The following ZFYVE9 variants were observed in gnomAD, a reference collection of about 807,000 sequenced individuals.
The protein encoded by ZFYVE9 is zinc finger FYVE-type containing 9.
Under a neutral mutation model 126.7 loss-of-function variants are expected in ZFYVE9, and 43 were observed. That is an observed-to-expected ratio of 0.34 (90% confidence interval 0.27 to 0.44). ZFYVE9 has a LOEUF of 0.44. Ranked by LOEUF, ZFYVE9 falls within the 20% of genes least tolerant of loss-of-function variation. ZFYVE9 has a pLI of 1.00. For synonymous variants in ZFYVE9, 521 were observed against 597.4 expected, an observed-to-expected ratio of 0.87 and a Z score of 1.87; for missense variants, 1,476 against 1,697.0, an observed-to-expected ratio of 0.87 and a Z score of 2.29.
At chr1:52,269,053 G>A (rs931911102) in intron 7 of ZFYVE9, among the ~76,000 whole-genome samples, 3 of 152,148 alleles carry the variant, frequency 2.0e-5, no homozygotes, top group African/African-American at 7.2e-5. Flanking sequence ...CCCTACCAGA[G>A]TGGTACACTT....
intron 14 of ZFYVE9, among the ~76,000 whole-genome samples, chr1:52,334,112 T>C (rs1646368980): frequency 6.6e-6 from 1 of 151,760 alleles, no homozygotes; most frequent in South Asian, 2.1e-4. Flanking sequence ...AAAAAAAACT[T>C]AGCAGATAAA....
Position 52,295,947 on chromosome 1 carries a change from G to T in ZFYVE9, c.3303G>T (p.Glu1101Asp). 6.2e-7 allele frequency: 1 copy of T among 1,613,758 alleles called. No homozygotes were observed. Among genetic ancestry groups the T allele is most frequent in the Non-Finnish European group, 8.5e-7 (1 of 1,179,844 alleles). The part of the protein sequence containing the change: ...SVRFRKPLFG[E>D]TGHTIMNLLA... Reference sequence around the variant, plus strand: ...GATTTCGGAAGCCATTGTTTGGAGAGACGGGGCATACCATCATGAATCTTC... The same window carrying T: ...GATTTCGGAAGCCATTGTTTGGAGATACGGGGCATACCATCATGAATCTTC... The change falls in exon 12 of 19, where the codon GAG (glutamate) becomes GAT (aspartate). Residue 1101 changes from glutamate (E) to aspartate (D), a missense_variant. Physicochemically the swap from Glu to Asp is conservative, Grantham distance 45. Coordinates refer to ENST00000287727, the MANE Select transcript of ZFYVE9 (RefSeq NM_004799.4).
chr1:52,292,687 G>C (rs1645934371), intron 10 of ZFYVE9, among the ~76,000 whole-genome samples: 1 of 151,920 alleles, frequency 6.6e-6, no homozygotes, highest in African/African-American at 2.4e-5. Context: ...GGTCAGGCTG[G>C]TCTCGAACTC....
At chr1:52,198,217 G>T (rs1644883514) in intron 1 of ZFYVE9, among the ~76,000 whole-genome samples, 1 of 142,774 alleles carries the variant, frequency 7.0e-6, no homozygotes, top group Non-Finnish European at 1.5e-5. Flanking sequence ...TGCCTCCCGG[G>T]TTCAAGCGAT....
chr1:52,233,415 A>G (rs895348024), intron 3 of ZFYVE9, 139 bp downstream of exon 3: 33 of 465,236 alleles, frequency 7.1e-5, no homozygotes, highest in African/African-American at 5.9e-4. Context: ...ATACAGGGGA[A>G]GAAATAACAT....
chr1:52,254,516 C>G (rs2124652638), intron 4 of ZFYVE9, among the ~76,000 whole-genome samples: 1 of 152,110 alleles, frequency 6.6e-6, no homozygotes, highest in Middle Eastern at 3.4e-3. Context: ...ATGGCAAGAC[C>G]TCATCTCTGC....
intron 7 of ZFYVE9, among the ~76,000 whole-genome samples, chr1:52,271,386 G>A (rs1029980002): frequency 1.4e-4 from 21 of 152,188 alleles, no homozygotes; most frequent in Admixed American, 3.9e-4. Flanking sequence ...TAGAGTGCCT[G>A]GCACTTAACA....
chr1:52,283,516 G>A (rs547309132), intron 10 of ZFYVE9, among the ~76,000 whole-genome samples: 1 of 152,282 alleles, frequency 6.6e-6, no homozygotes, highest in South Asian at 2.1e-4. Context: ...CTAGAATACT[G>A]CTCAACAGTA....
Position 52,199,159 on chromosome 1 carries a change from G to A in ZFYVE9, c.-142-17210G>A, listed in dbSNP as rs371897028. Reference sequence around the variant, plus strand: ...CGACTCACTGCAAGCTCCGCCTCCCGGGTTCATGCCATTCTTCTGCCTCAG... The same window carrying A: ...CGACTCACTGCAAGCTCCGCCTCCCAGGTTCATGCCATTCTTCTGCCTCAG... On this transcript the variant is annotated intron_variant, in intron 1 of 18. Coordinates refer to ENST00000287727, the MANE Select transcript of ZFYVE9 (RefSeq NM_004799.4). Among the ~76,000 whole-genome samples the A allele has an allele frequency of 5.3e-5, 8 of 151,578 alleles. 1 individual carries two copies. The highest frequency in any genetic ancestry group is 1.9e-4 in the East Asian group (1 of 5,156).
chr1:52,155,148 A>G (rs1250637367), intron 1 of ZFYVE9, among the ~76,000 whole-genome samples: 4 of 152,046 alleles, frequency 2.6e-5, no homozygotes, highest in African/African-American at 9.7e-5. Context: ...CATTATGGAA[A>G]GTCTGGACAC....
intron 5 of ZFYVE9, among the ~76,000 whole-genome samples, chr1:52,264,799 A>C (rs1186674996): frequency 6.6e-6 from 1 of 152,166 alleles, no homozygotes; most frequent in Non-Finnish European, 1.5e-5. Context: ...CATGACAGTT[A>C]ATCTGATCTG....
At chr1:52,189,062 C>T (rs914242196) in intron 1 of ZFYVE9, among the ~76,000 whole-genome samples, 3 of 151,762 alleles carry the variant, frequency 2.0e-5, no homozygotes, top group Admixed American at 1.3e-4. Context: ...CTCAGCCTCC[C>T]GAGTAGGTGG....
intron 13 of ZFYVE9, among the ~76,000 whole-genome samples, chr1:52,308,894 C>T (rs192408622): frequency 2.0e-5 from 3 of 152,192 alleles, no homozygotes; most frequent in African/African-American, 7.2e-5. Context: ...CACCCTAGTA[C>T]GGAGTGGGTT....
intron 1 of ZFYVE9, among the ~76,000 whole-genome samples, chr1:52,178,488 G>A (rs1414444264): frequency 6.6e-6 from 1 of 151,664 alleles, no homozygotes; most frequent in African/African-American, 2.4e-5. Flanking sequence ...CCACCACCAT[G>A]CCCGGCTAAT....
At chr1:52,293,719 A>G (rs776263350) in intron 11 of ZFYVE9, 42 bp downstream of exon 11, 10 of 1,542,978 alleles carry the variant, frequency 6.5e-6, no homozygotes, top group Non-Finnish European at 8.9e-6. Context: ...GATGACTAAA[A>G]TAATGCCTGA....
intron 1 of ZFYVE9, chr1:52,179,985 A>G (rs1191314739): frequency 3.2e-6 from 3 of 929,544 alleles, no homozygotes; most frequent in South Asian, 2.6e-5. Context: ...ATAGGAAGAT[A>G]TGACTTTGGA....
chr1:52,243,961 G>GA (rs1018929246), intron 4 of ZFYVE9, among the ~76,000 whole-genome samples: 2 of 152,058 alleles, frequency 1.3e-5, no homozygotes, highest in African/African-American at 4.8e-5. Flanking sequence ...GAGGTAAATA[G>GA]AAAACCAGGA....
intron 2 of ZFYVE9, among the ~76,000 whole-genome samples, chr1:52,227,367 C>CTCT (rs56294965): frequency 0.93 from 140,983 of 151,944 alleles, 65,550 homozygotes; most frequent in East Asian, 1. Context: ...CAGGCGTTGC[C>CTCT]TAAGGAAGTT....
chr1:52,248,251 C>G (rs1171931229), intron 4 of ZFYVE9, among the ~76,000 whole-genome samples: 4 of 152,118 alleles, frequency 2.6e-5, no homozygotes, highest in African/African-American at 9.7e-5. Flanking sequence ...GCTGCTAGTG[C>G]AAGTCTTAGA....
Sources: gnomAD v4.1 joint callset for allele counts (sites outside exome capture counted in the v4.1 genomes callset) on GRCh38, gnomAD v4.1.1 for gene constraint, MANE v1.5 for transcripts, NCBI Gene and HGNC (gene_info 2026-07-23, HGNC 2026-07-21) for gene names.